Variants in GNRH1 observed in about 807,000 individuals in gnomAD.
GNRH1 encodes the protein gonadotropin releasing hormone 1.
In GNRH1, 9 loss-of-function variants were observed where a neutral mutation model predicts 13.6. The ratio of observed to expected loss-of-function variants is 0.66; its 90% confidence interval spans 0.40 to 1.15. The LOEUF (loss-of-function observed/expected upper bound fraction) is 1.15. Ranked by LOEUF, GNRH1 falls within the 50% of genes most tolerant of loss-of-function variation. GNRH1 has a pLI of 0.01. For synonymous variants in GNRH1, 44 were observed against 40.1 expected (o/e 1.10, Z -0.37); for missense variants, 116 against 110.8 (o/e 1.05, Z -0.21).
At chr8:25,423,977 G>A (rs1283157352) in intron 1 of GNRH1, 2 of 152,598 alleles carry the variant, frequency 1.3e-5, no homozygotes, top group Non-Finnish European at 2.9e-5. Context: ...CATTTGATGG[G>A]AAAGAGGCTA....
At chr8:25,420,157 T>C (rs760521150) in intron 3 of GNRH1, among the ~76,000 whole-genome samples, 2 of 152,174 alleles carry the variant, frequency 1.3e-5, no homozygotes, top group African/African-American at 4.8e-5. Flanking sequence ...GGCTCATGCC[T>C]GTAATCCCAG....
At chr8:25,421,287 G>A (rs1159453244) in intron 3 of GNRH1, among the ~76,000 whole-genome samples, 2 of 152,132 alleles carry the variant, frequency 1.3e-5, no homozygotes, top group African/African-American at 2.4e-5. Context: ...AATTTGTTTT[G>A]TTAGTTATCC....
intron 1 of GNRH1, 138 bp from the exon 2 acceptor site, chr8:25,423,469 G>C: frequency 1.3e-6 from 1 of 750,916 alleles, no homozygotes; most frequent in East Asian, 2.7e-5. Context: ...TTTACATACA[G>C]ACACTGAAAC....
chr8:25,419,731 C>T (rs1255425098), intron 3 of GNRH1, among the ~76,000 whole-genome samples: 7 of 151,660 alleles, frequency 4.6e-5, no homozygotes, highest in South Asian at 2.1e-4. Flanking sequence ...AAATGATTCT[C>T]GTGCCTCAGC....
At chr8:25,424,541 C>A (rs1801818237), upstream of GNRH1, 1 of 152,122 alleles carries the variant, frequency 6.6e-6, no homozygotes, top group South Asian at 2.1e-4. Context: ...ATTGGATTCC[C>A]TTGAGGAAAC....
At chr8:25,422,698 T>C (rs1801788959) in intron 2 of GNRH1, among the ~76,000 whole-genome samples, 1 of 152,164 alleles carries the variant, frequency 6.6e-6, no homozygotes, top group Admixed American at 6.6e-5. Context: ...TCTACCAGTC[T>C]CCAACTTTGC....
At chr8:25,423,523 G>A in intron 1 of GNRH1, 192 bp from the exon 2 acceptor site, 1 of 611,472 alleles carries the variant, frequency 1.6e-6, no homozygotes, top group Non-Finnish European at 2.9e-6. Context: ...TAGCCACTGG[G>A]GACAAAATGA....
chr8:25,423,450 G>C, intron 1 of GNRH1, 119 bp from the exon 2 acceptor site: 1 of 901,638 alleles, frequency 1.1e-6, no homozygotes, highest in South Asian at 1.4e-5. Flanking sequence ...ATGGAAGTCA[G>C]AGTCAGTTTT....
At chr8:25,423,619 A>C in intron 1 of GNRH1, 1 of 404,084 alleles carries the variant, frequency 2.5e-6, no homozygotes, top group Non-Finnish European at 4.5e-6. Flanking sequence ...CAAACCCCAT[A>C]ATTCATCCCT....
chr8:25,422,691 A>G (rs1312960562), intron 2 of GNRH1, among the ~76,000 whole-genome samples: 1 of 152,318 alleles, frequency 6.6e-6, no homozygotes, highest in Non-Finnish European at 1.5e-5. Context: ...CCTGTATTCT[A>G]CCAGTCTCCA....
In GNRH1 at chr8:25,421,633, T is replaced by C. The variant is rs368837931; in HGVS notation, c.177A>G (p.Gln59=). The change falls in exon 3 of 4, where the codon CAA becomes CAG. Residue 59 remains glutamine (Q), a synonymous_variant. Transcript: ENST00000421054. Reference sequence around the variant, plus strand: ...GCTGGTGCGTGGTGCATTCGAAGCGTTGGGTTTCTGCCAGTTGACCAACCT... The same window carrying C: ...GCTGGTGCGTGGTGCATTCGAAGCGCTGGGTTTCTGCCAGTTGACCAACCT... ...VKEVGQLAET[Q]RFECTTHQPR... 1,078 of 1,605,268 alleles carry C rather than the reference T, an allele frequency of 6.7e-4. 2 individuals are homozygous for C. The highest frequency in any genetic ancestry group is 8.4e-4 in the Non-Finnish European group (984 of 1,174,006).
intron 2 of GNRH1, among the ~76,000 whole-genome samples, chr8:25,422,488 C>A (rs779108620): frequency 2.5e-4 from 38 of 152,154 alleles, no homozygotes; most frequent in Non-Finnish European, 4.1e-4. Context: ...GTCAAGGCTG[C>A]AGTGAGCTGT....
At chr8:25,421,734 A>C in intron 2 of GNRH1, 66 bp from the exon 3 acceptor site, 1 of 817,824 alleles carries the variant, frequency 1.2e-6, no homozygotes, top group South Asian at 1.4e-5. Flanking sequence ...TTCCATTTCC[A>C]CCAAAAAATT....
intron 1 of GNRH1, 182 bp downstream of exon 1, chr8:25,424,019 T>G (rs1197196259): frequency 6.6e-6 from 1 of 152,654 alleles, no homozygotes; most frequent in Non-Finnish European, 1.5e-5. Flanking sequence ...CGATAAGCTG[T>G]GGGAGTCCCC....
At chr8:25,420,705 T>C (rs575717580) in intron 3 of GNRH1, among the ~76,000 whole-genome samples, 4 of 152,052 alleles carry the variant, frequency 2.6e-5, no homozygotes, top group Non-Finnish European at 4.4e-5. Context: ...CTGGGCAACA[T>C]AGACCCTGTC....
upstream of GNRH1, among the ~76,000 whole-genome samples, chr8:25,424,942 C>G (rs368499493): frequency 6.6e-6 from 1 of 152,146 alleles, no homozygotes; most frequent in East Asian, 1.9e-4. Flanking sequence ...CCATATTGAG[C>G]AGACTTACAT....
intron 3 of GNRH1, 117 bp downstream of exon 3, chr8:25,421,456 G>T: frequency 1.6e-6 from 1 of 626,864 alleles, no homozygotes. Context: ...AGGTAACAGA[G>T]GAGTCAGGAA....
At chr8:25,421,399 G>A (rs955845513) in intron 3 of GNRH1, among the ~76,000 whole-genome samples, 174 bp downstream of exon 3, 3 of 152,202 alleles carry the variant, frequency 2.0e-5, no homozygotes, top group Non-Finnish European at 4.4e-5. Context: ...CCCTAGTGCT[G>A]TCTAACCACC....
chr8:25,423,005 C>T (rs374525749), intron 2 of GNRH1, among the ~76,000 whole-genome samples, 185 bp downstream of exon 2: 2 of 152,244 alleles, frequency 1.3e-5, no homozygotes, highest in South Asian at 4.2e-4. Context: ...TTTTCCAGCT[C>T]TTTGTTTAGT....
Sources: gnomAD v4.1 joint callset for allele counts (sites outside exome capture counted in the v4.1 genomes callset) on GRCh38, gnomAD v4.1.1 for gene constraint, MANE v1.5 for transcripts, NCBI Gene and HGNC (gene_info 2026-07-23, HGNC 2026-07-21) for gene names.